SLC3A2: variants seen among roughly 807,000 people sequenced by gnomAD.
SLC3A2 encodes the protein amino acid transporter heavy chain SLC3A2.
A neutral mutation model predicts 48.5 loss-of-function variants in SLC3A2; 32 were observed. The observed-to-expected ratio is 0.66, with a 90% CI of 0.50 to 0.89. The LOEUF (loss-of-function observed/expected upper bound fraction) is 0.89. SLC3A2 is among the 40% of genes least tolerant of loss of function. The probability of loss-of-function intolerance (pLI) is 0.00; values close to 1 mark genes in which losing one functional copy is unlikely to be tolerated. For synonymous variants in SLC3A2, 277 were observed against 288.8 expected (o/e 0.96, Z 0.41); for missense variants, 587 against 680.7 (o/e 0.86, Z 1.53).
At chr11:62,858,739 A>G (rs1328599528) in intron 1 of SLC3A2, among the ~76,000 whole-genome samples, 2 of 152,174 alleles carry the variant, frequency 1.3e-5, no homozygotes, top group Non-Finnish European at 2.9e-5. Flanking sequence ...CAGGGCCACA[A>G]GACAATAGTG....
chr11:62,869,542 A>C (rs1297027074), intron 1 of SLC3A2, among the ~76,000 whole-genome samples: 1 of 150,748 alleles, frequency 6.6e-6, no homozygotes, highest in Non-Finnish European at 1.5e-5. Flanking sequence ...AAAAAAAAAA[A>C]AAAAGAATAG....
At chr11:62,861,825 G>C (rs1159880715) in intron 1 of SLC3A2, among the ~76,000 whole-genome samples, 1 of 150,582 alleles carries the variant, frequency 6.6e-6, no homozygotes, top group Non-Finnish European at 1.5e-5. Flanking sequence ...TGAGGCAGGA[G>C]AGTCGCTTGA....
chr11:62,881,132 G>T lies in SLC3A2; in HGVS notation c.109G>T (p.Ala37Ser). ...TGGGGCGGCCATGTCCCTGGCGGGA[G>T]CCGAGAAGAATGGTCTGGTGAAGAT... ...ASGAAMSLAG[A>S]EKNGLVKIKV... is the part of the protein sequence containing the mutation. Residue 37 changes from alanine (A) to serine (S), a missense_variant, in exon 1 of 9, where the codon GCC becomes TCC. This residue lies in a region of SLC3A2 where 409 missense variants were observed against 446.7 expected (regional missense o/e 0.92). Transcript: ENST00000338663. This position sits in a 1 kb window ranked among gnomAD's most constrained non-coding sequence, Gnocchi z 4.0. 6.2e-7 allele frequency: 1 copy of T among 1,605,332 alleles called. No individual in the cohort carries two copies. The highest frequency in any genetic ancestry group is 8.5e-7 in the Non-Finnish European group (1 of 1,177,074).
In SLC3A2 at chr11:62,866,120, C is replaced by CT. The variant is rs35988334; in HGVS notation, c.112+9754dup. 3.8e-3 allele frequency among the ~76,000 whole-genome samples: 548 copies of CT among 142,370 alleles called. 11 individuals are homozygous for CT. The highest frequency in any genetic ancestry group is 5.0e-3 in the Non-Finnish European group (323 of 64,760). The allele number at this position is 142,370 out of a possible 152,430, so 93.4% of individuals were successfully genotyped here. On this transcript the variant is annotated intron_variant, in intron 1 of 9. Transcript: ENST00000377889. ...CCAGCATGCCCACTTTTTTCAGCCA[C>CT]TTTTTTTTTTTTTTTGGATGGAGTT...
intron 1 of SLC3A2, among the ~76,000 whole-genome samples, chr11:62,873,316 C>T (rs931103042): frequency 8.6e-5 from 13 of 151,964 alleles, no homozygotes; most frequent in African/African-American, 2.9e-4. Flanking sequence ...AGTGAAACCC[C>T]GTCTCTACTA....
intron 1 of SLC3A2, among the ~76,000 whole-genome samples, chr11:62,858,722 G>T (rs969541046): frequency 6.6e-6 from 1 of 152,212 alleles, no homozygotes; most frequent in African/African-American, 2.4e-5. Context: ...CGAAGAGGGG[G>T]TTGTGTCAGG....
rs144685406 is a variant in SLC3A2, at chr11:62,856,303, G to T, written c.34G>T (p.Val12Phe). 6.0e-5 allele frequency: 97 copies of T among 1,613,406 alleles called. 1 individual carries two copies. The African/African-American group carries it at 1.1e-3, about 19-fold the overall frequency. Residue 12 changes from valine (V) to phenylalanine (F), a missense_variant, in exon 1 of 10, where the codon GTC becomes TTC. Coordinates refer to the SLC3A2 transcript ENST00000377889. ...ACAGCCTCCTGAAGCCTCGATCGCC[G>T]TCGTGTCGATTCCGCGCCAGTTGCC...
rs953238374 is a variant in SLC3A2, at chr11:62,882,951, G to C, written c.642G>C (p.Glu214Asp). 9 of 1,614,092 alleles carry C rather than the reference G, an allele frequency of 5.6e-6. No homozygotes were observed. The highest frequency in any genetic ancestry group is 1.6e-4 in the Middle Eastern group (1 of 6,084). ...ACCTTACTCCCAACTACCGGGGTGA[G>C]AACTCGTGGTTCTCCACTCAGGTTG... ...ILDLTPNYRG[E>D]NSWFSTQVDT... is the part of the protein sequence containing the mutation. Residue 214 changes from glutamate (E) to aspartate (D), a missense_variant, in exon 3 of 9, where the codon GAG (glutamate) becomes GAC (aspartate). Around this residue, in one of 3 missense-constraint regions of SLC3A2, gnomAD observed 409 missense variants for 446.7 expected, o/e 0.92. Transcript: ENST00000338663.
At position 62,885,343 on chromosome 11, in the gene SLC3A2, T is replaced by C. The variant is rs1565256138; in HGVS notation, c.985T>C (p.Trp329Arg). 1 of 1,614,222 alleles carries C rather than the reference T, an allele frequency of 6.2e-7. No individual in the cohort carries two copies. The highest frequency in any genetic ancestry group is 8.5e-7 in the Non-Finnish European group (1 of 1,180,034). ...TQYLNATGNRWCSWSLSQARL... is the reference protein window; with the variant it reads ...TQYLNATGNRRCSWSLSQARL... ...GTATTTGAATGCCACTGGCAATCGC[T>C]GGTGCAGCTGGAGTGTGAGTACCAT... The change falls in exon 6 of 9, where the codon TGG (tryptophan) becomes CGG (arginine). Residue 329 changes from tryptophan to arginine, a missense_variant. Trp to Arg is a moderately radical substitution (Grantham distance 101, BLOSUM62 -3). Around this residue, in one of 3 missense-constraint regions of SLC3A2, gnomAD observed 409 missense variants for 446.7 expected, o/e 0.92. Transcript: ENST00000338663.
chr11:62,859,879 C>A (rs1028227240), intron 1 of SLC3A2, among the ~76,000 whole-genome samples: 1 of 151,986 alleles, frequency 6.6e-6, no homozygotes, highest in Non-Finnish European at 1.5e-5. Context: ...TATTTCTCGT[C>A]AGGTGGGACG....
Position 62,873,645 on chromosome 11 carries a change from CTT to C in SLC3A2, c.113-7367_113-7366del, listed in dbSNP as rs563914907. On this transcript the variant is annotated intron_variant, in intron 1 of 9. Coordinates refer to the SLC3A2 transcript ENST00000377889. The stretch of plus-strand genomic sequence containing the variant: ...ACCCGGCCAGCTAATTAAAATCAAA[CTT>C]TTTTTTATAGAGACACGGGGTCTTG... 2.0e-5 allele frequency among the ~76,000 whole-genome samples: 3 copies of C among 151,900 alleles called. No homozygotes were observed. In the South Asian group the frequency reaches 6.2e-4, roughly 32 times the overall value.
At chr11:62,887,848 A>G (rs1236397187) in intron 7 of SLC3A2, 3 of 279,786 alleles carry the variant, frequency 1.1e-5, no homozygotes, top group Non-Finnish European at 1.4e-5. Context: ...GCTGGAGTAC[A>G]GTGGTGGAGT....
At chr11:62,870,054 C>T (rs763382862) in intron 1 of SLC3A2, among the ~76,000 whole-genome samples, 2 of 152,064 alleles carry the variant, frequency 1.3e-5, no homozygotes, top group Non-Finnish European at 2.9e-5. Flanking sequence ...GCCCTGGTCT[C>T]CCAAAGTGCT....
At chr11:62,874,711 T>C (rs1239216732) in intron 1 of SLC3A2, among the ~76,000 whole-genome samples, 1 of 152,158 alleles carries the variant, frequency 6.6e-6, no homozygotes, top group East Asian at 1.9e-4. Flanking sequence ...TCTGCTTTAA[T>C]TTCAGCCACG....
chr11:62,880,848 G>C, upstream of SLC3A2: 1 of 1,364,828 alleles, frequency 7.3e-7, no homozygotes, highest in Non-Finnish European at 9.6e-7. Flanking sequence ...GGGCGGGCCG[G>C]GGCGGGGCTC....
chr11:62,859,118 T>A lies in SLC3A2; in HGVS notation c.112+2737T>A, dbSNP rs527922674. Among the ~76,000 whole-genome samples the A allele has an allele frequency of 4.4e-4, 67 of 152,230 alleles. 2 individuals carry two copies. Among genetic ancestry groups the A allele is most frequent in the Non-Finnish European group, 8.7e-4 (59 of 68,008 alleles). On this transcript the variant is annotated intron_variant, in intron 1 of 9. Transcript: ENST00000377889. ...TCTTTCCCTTCCCACGAGGCCATAT[T>A]TCAGACTATCACATGGGGAGAAACC...
intron 1 of SLC3A2, among the ~76,000 whole-genome samples, chr11:62,874,527 T>G (rs7104190): frequency 0.01 from 1,565 of 152,300 alleles, 18 homozygotes; most frequent in African/African-American, 0.036. Flanking sequence ...TCACTCTTTC[T>G]GGCTTTTATC....
At chr11:62,858,526 TG>T (rs2085362923) in intron 1 of SLC3A2, among the ~76,000 whole-genome samples, 1 of 152,080 alleles carries the variant, frequency 6.6e-6, no homozygotes, top group African/African-American at 2.4e-5. Flanking sequence ...AGTGAAGGGG[TG>T]GGTTGCCCCT....
intron 1 of SLC3A2, among the ~76,000 whole-genome samples, chr11:62,861,098 G>C (rs1230557686): frequency 6.6e-6 from 1 of 152,040 alleles, no homozygotes; most frequent in Non-Finnish European, 1.5e-5. Flanking sequence ...CCAGCACTTT[G>C]GGAGGCCAAG....
Sources: gnomAD v4.1 joint callset for allele counts (sites outside exome capture counted in the v4.1 genomes callset) on GRCh38, gnomAD v4.1.1 for gene constraint, gnomAD v4.1.1 regional missense constraint, Gnocchi (gnomAD v3.1) non-coding constraint, MANE v1.5 for transcripts, NCBI Gene and HGNC (gene_info 2026-07-23, HGNC 2026-07-21) for gene names.